DLEU7: variants seen among roughly 807,000 people sequenced by gnomAD.
The protein encoded by DLEU7 is deleted in lymphocytic leukemia 7.
Under a neutral mutation model 16.0 loss-of-function variants are expected in DLEU7, and 17 were observed. That is an observed-to-expected ratio of 1.06 (90% CI 0.73 to 1.59). DLEU7 has a LOEUF of 1.59. Ranked by LOEUF, DLEU7 falls within the 40% of genes most tolerant of loss-of-function variation. DLEU7 has a pLI of 0.00. For synonymous variants in DLEU7, 113 were observed against 139.8 expected, an observed-to-expected ratio of 0.81 and a Z score of 1.35; for missense variants, 308 against 314.9, an observed-to-expected ratio of 0.98 and a Z score of 0.17.
chr13:50,836,852 T>C (rs1877484940), intron 1 of DLEU7, among the ~76,000 whole-genome samples: 1 of 152,112 alleles, frequency 6.6e-6, no homozygotes, highest in Non-Finnish European at 1.5e-5. Context: ...CCAGACCCAT[T>C]AGCACCCTCT....
At chr13:50,728,962 C>A (rs543482955) in intron 1 of DLEU7, among the ~76,000 whole-genome samples, 1 of 152,262 alleles carries the variant, frequency 6.6e-6, no homozygotes, top group Non-Finnish European at 1.5e-5. Flanking sequence ...GACACCCACA[C>A]CTGCACAGTT....
intron 1 of DLEU7, among the ~76,000 whole-genome samples, chr13:50,758,314 G>A (rs1449008318): frequency 2.6e-5 from 4 of 152,110 alleles, no homozygotes; most frequent in Non-Finnish European, 5.9e-5. Context: ...TAAGACTGTG[G>A]TACACATTGA....
chr13:50,714,167 T>C (rs902130675), intron 1 of DLEU7, among the ~76,000 whole-genome samples: 1 of 152,228 alleles, frequency 6.6e-6, no homozygotes, highest in African/African-American at 2.4e-5. Flanking sequence ...TGCTTACTGG[T>C]GAGCCACTGA....
chr13:50,791,832 G>A (rs61962166), intron 1 of DLEU7, among the ~76,000 whole-genome samples: 37,026 of 152,060 alleles, frequency 0.24, 4,801 homozygotes, highest in Middle Eastern at 0.33. Flanking sequence ...AGAGCCTGAC[G>A]CCTTTACATG....
chr13:50,758,429 T>C (rs1874826384), intron 1 of DLEU7, among the ~76,000 whole-genome samples: 1 of 152,180 alleles, frequency 6.6e-6, no homozygotes, highest in African/African-American at 2.4e-5. Context: ...AAGTGAGCAG[T>C]GTAAAAAAAA....
intron 1 of DLEU7, among the ~76,000 whole-genome samples, chr13:50,807,611 T>C (rs999790460): frequency 1.2e-4 from 19 of 152,204 alleles, no homozygotes; most frequent in Middle Eastern, 6.8e-3. Context: ...AATGGACATT[T>C]CAAGAACTTT....
intron 1 of DLEU7, among the ~76,000 whole-genome samples, chr13:50,745,275 TGAG>T (rs1272946072): frequency 6.6e-6 from 1 of 152,178 alleles, no homozygotes; most frequent in African/African-American, 2.4e-5. Context: ...GGATGAACAT[TGAG>T]GACATTATGT....
exon 2 of DLEU7, chr13:50,712,446 C>T (rs1008830788): frequency 1.3e-5 from 2 of 152,278 alleles, no homozygotes; most frequent in Admixed American, 6.5e-5. Context: ...CTTTCTTTCT[C>T]GGTTCCTTTC....
intron 1 of DLEU7, among the ~76,000 whole-genome samples, chr13:50,730,574 G>C (rs1285177219): frequency 1.3e-5 from 2 of 152,116 alleles, no homozygotes; most frequent in Non-Finnish European, 2.9e-5. Flanking sequence ...CTCCATCCTG[G>C]TGAATATTTC....
At chr13:50,841,757 T>A (rs1044946168) in intron 1 of DLEU7, among the ~76,000 whole-genome samples, 30 of 136,796 alleles carry the variant, frequency 2.2e-4, no homozygotes, top group South Asian at 7.1e-4. Context: ...AAAAAAAAAA[T>A]CCCTTAAATT....
intron 1 of DLEU7, among the ~76,000 whole-genome samples, chr13:50,740,699 A>G (rs1422121918): frequency 6.6e-6 from 1 of 152,196 alleles, no homozygotes; most frequent in African/African-American, 2.4e-5. Flanking sequence ...AAACATATAA[A>G]TTTACAAGCT....
intron 1 of DLEU7, among the ~76,000 whole-genome samples, chr13:50,755,720 T>C (rs550635446): frequency 1.3e-5 from 2 of 151,824 alleles, no homozygotes; most frequent in South Asian, 4.2e-4. Context: ...TTGGTTTGTA[T>C]CCATTGCTGG....
chr13:50,741,209 G>A (rs1874242459), intron 1 of DLEU7, among the ~76,000 whole-genome samples: 1 of 152,174 alleles, frequency 6.6e-6, no homozygotes, highest in African/African-American at 2.4e-5. Context: ...AAGTTATTTG[G>A]AAGAAGCAGC....
At chr13:50,720,746 T>C (rs1175702041) in intron 1 of DLEU7, among the ~76,000 whole-genome samples, 1 of 152,176 alleles carries the variant, frequency 6.6e-6, no homozygotes, top group African/African-American at 2.4e-5. Flanking sequence ...ATAAACTTTT[T>C]AAGATGAAGA....
intron 1 of DLEU7, among the ~76,000 whole-genome samples, chr13:50,827,110 C>T (rs960763849): frequency 1.6e-4 from 24 of 151,942 alleles, no homozygotes; most frequent in African/African-American, 5.3e-4. Flanking sequence ...ATTCATTGTT[C>T]AAAACAAAAA....
At chr13:50,826,024 G>T (rs1319857721) in intron 1 of DLEU7, among the ~76,000 whole-genome samples, 1 of 90,512 alleles carries the variant, frequency 1.1e-5, no homozygotes. Flanking sequence ...CCGACCCCAC[G>T]ACAGGCCCCG....
intron 1 of DLEU7, among the ~76,000 whole-genome samples, chr13:50,840,626 G>A (rs1877623242): frequency 6.6e-6 from 1 of 152,166 alleles, no homozygotes; most frequent in Non-Finnish European, 1.5e-5. Context: ...GGAAGGGAAG[G>A]ATGGGGACTC....
intron 1 of DLEU7, among the ~76,000 whole-genome samples, chr13:50,803,526 C>G (rs1285942537): frequency 1.3e-5 from 2 of 152,068 alleles, no homozygotes; most frequent in Middle Eastern, 3.4e-3. Flanking sequence ...GTGGCTAGTT[C>G]CAATTGTGAT....
intron 1 of DLEU7, among the ~76,000 whole-genome samples, chr13:50,775,410 A>G (rs778962630): frequency 1.3e-5 from 2 of 152,158 alleles, no homozygotes; most frequent in Admixed American, 6.5e-5. Flanking sequence ...AGTTTGAGGC[A>G]TTTTTCAAGT....
Sources: gnomAD v4.1 joint callset for allele counts (sites outside exome capture counted in the v4.1 genomes callset) on GRCh38, gnomAD v4.1.1 for gene constraint, MANE v1.5 for transcripts, NCBI Gene and HGNC (gene_info 2026-07-23, HGNC 2026-07-21) for gene names.